Variants in NIPAL1 observed in about 807,000 individuals in gnomAD.
NIPAL1 encodes the protein NIPA like domain containing 1.
Under a neutral mutation model 37.7 loss-of-function variants are expected in NIPAL1, and 35 were observed. That is an observed-to-expected ratio of 0.93 (90% CI 0.71 to 1.23). The LOEUF (loss-of-function observed/expected upper bound fraction) is 1.23, where lower values mean the gene tolerates loss of function less well. Among genes scored for constraint, NIPAL1 ranks in the 50% most tolerant of loss-of-function variants. The pLI, the probability that NIPAL1 is intolerant of heterozygous loss-of-function variation, is 0.00. For missense variants in NIPAL1, 412 were observed against 473.9 expected, an observed-to-expected ratio of 0.87 and a Z score of 1.21; for synonymous variants, 162 against 183.0, an observed-to-expected ratio of 0.89 and a Z score of 0.93.
At chr4:48,022,587 A>C (rs1715596281) in intron 1 of NIPAL1, among the ~76,000 whole-genome samples, 1 of 152,228 alleles carries the variant, frequency 6.6e-6, no homozygotes, top group Admixed American at 6.5e-5. Flanking sequence ...TGGAGTGGTT[A>C]TGTTAACTGC....
At chr4:48,022,363 T>C (rs321622) in intron 1 of NIPAL1, among the ~76,000 whole-genome samples, 49,349 of 152,088 alleles carry the variant, frequency 0.32, 8,309 homozygotes, top group South Asian at 0.48. Context: ...GACAAGATTT[T>C]TATTATTTTT....
In NIPAL1 at chr4:48,035,583, T is replaced by C. The variant is rs753305865; in HGVS notation, c.644T>C (p.Ile215Thr). The change falls in exon 6 of 6, where the codon ATC (isoleucine) becomes ACC (threonine). Residue 215 changes from isoleucine to threonine, a missense_variant. Ile to Thr is a moderately conservative substitution (Grantham distance 89). Transcript: ENST00000295461. ...ACAGGGTTTATTTCCTTTGCTGTGA[T>C]CATAACTGTGATCTCCTTGGTGCTG... ...RDPGFISFAVIITVISLVLIL... is the reference protein window; with the variant it reads ...RDPGFISFAVTITVISLVLIL... 1 of 1,611,576 alleles carries C rather than the reference T, an allele frequency of 6.2e-7. No homozygotes were observed. Among genetic ancestry groups the C allele is most frequent in the Non-Finnish European group, 8.5e-7 (1 of 1,179,522 alleles).
intron 1 of NIPAL1, among the ~76,000 whole-genome samples, chr4:48,023,563 G>A (rs1363591686): frequency 2.0e-5 from 3 of 152,056 alleles, no homozygotes; most frequent in Admixed American, 1.3e-4. Context: ...ATTCATAATG[G>A]GAGAATTTGC....
At chr4:48,029,669 T>C (rs1295491126) in intron 2 of NIPAL1, among the ~76,000 whole-genome samples, 2 of 152,184 alleles carry the variant, frequency 1.3e-5, no homozygotes, top group Non-Finnish European at 2.9e-5. Flanking sequence ...TGACATACCA[T>C]TTTAAGACTC....
intron 5 of NIPAL1, among the ~76,000 whole-genome samples, chr4:48,035,346 G>A (rs573977115): frequency 3.9e-5 from 6 of 152,198 alleles, no homozygotes; most frequent in African/African-American, 9.6e-5. Flanking sequence ...GATAATATTC[G>A]CCCTAGCTCA....
intron 3 of NIPAL1, among the ~76,000 whole-genome samples, chr4:48,031,551 A>C (rs1391825097): frequency 1.3e-5 from 2 of 152,160 alleles, no homozygotes; most frequent in African/African-American, 4.8e-5. Context: ...TACATTTGCA[A>C]TTTTGTTTTC....
chr4:48,022,296 C>T (rs976076927), intron 1 of NIPAL1, among the ~76,000 whole-genome samples: 1 of 152,178 alleles, frequency 6.6e-6, no homozygotes, highest in Non-Finnish European at 1.5e-5. Context: ...GCTGTAGGCT[C>T]TCTCCCTAAC....
In NIPAL1 at chr4:48,034,999, G is replaced by A; in HGVS notation, c.580G>A (p.Val194Ile). Reference sequence around the variant, plus strand: ...TATCCATGCCCCACAAGAAGAGGAAGTCACATCTTTGCATGAAATGGAAAT... The same window carrying A: ...TATCCATGCCCCACAAGAAGAGGAAATCACATCTTTGCATGAAATGGAAAT... The part of the protein sequence containing the change: ...MVIHAPQEEE[V>I]TSLHEMEMKL... The change falls in exon 5 of 6, where the codon GTC becomes ATC. Residue 194 changes from valine to isoleucine, a missense_variant. Val to Ile is a conservative substitution (Grantham distance 29, BLOSUM62 3). Transcript: ENST00000295461. 6.2e-7 allele frequency: 1 copy of A among 1,613,976 alleles called. No individual in the cohort carries two copies. Among genetic ancestry groups the A allele is most frequent in the Non-Finnish European group, 8.5e-7 (1 of 1,179,858 alleles).
chr4:48,018,922 C>G (rs1004375737), intron 1 of NIPAL1, among the ~76,000 whole-genome samples: 3 of 152,230 alleles, frequency 2.0e-5, no homozygotes, highest in Non-Finnish European at 4.4e-5. Context: ...GATATTCAAG[C>G]TGAGACCCAA....
chr4:48,035,143 G>C, intron 5 of NIPAL1, 102 bp downstream of exon 5: 1 of 978,784 alleles, frequency 1.0e-6, no homozygotes, highest in Non-Finnish European at 1.6e-6. Context: ...TACATTGTGG[G>C]CCGCATTGTG....
chr4:48,020,960 T>C (rs2109365308), intron 1 of NIPAL1, among the ~76,000 whole-genome samples: 1 of 152,318 alleles, frequency 6.6e-6, no homozygotes, highest in East Asian at 1.9e-4. Context: ...TTTAAATTTA[T>C]ATTATTATTC....
chr4:48,033,106 G>A (rs1715857770), intron 4 of NIPAL1, 23 bp downstream of exon 4: 1 of 1,414,920 alleles, frequency 7.1e-7, no homozygotes, highest in African/African-American at 1.4e-5. Context: ...CAGGGAACTT[G>A]GCTTCTGTAG....
In NIPAL1 at chr4:48,036,116, T is replaced by G. The variant is rs1204862749; in HGVS notation, c.1177T>G (p.Cys393Gly). 1.2e-6 allele frequency: 2 copies of G among 1,609,806 alleles called. No individual in the cohort carries two copies. The highest frequency in any genetic ancestry group is 1.3e-5 in the African/African-American group (1 of 74,456). ...TTATGTTTTACTAGAGAACTTGGAG[T>G]GTTCAGCCCCAGGATACAATGATGA... ...NNYVLLENLECSAPGYNDDVT... is the reference protein window; with the variant it reads ...NNYVLLENLEGSAPGYNDDVT... Residue 393 changes from cysteine (C) to glycine (G), a missense_variant, in exon 6 of 6, where the codon TGT becomes GGT. Transcript: ENST00000295461.
intron 1 of NIPAL1, among the ~76,000 whole-genome samples, chr4:48,018,878 GATTGGGT>G (rs1437870102): frequency 6.6e-6 from 1 of 152,262 alleles, no homozygotes; most frequent in East Asian, 1.9e-4. Flanking sequence ...GGGATGTTTA[GATTGGGT>G]ATTCAATGAA....
intron 1 of NIPAL1, among the ~76,000 whole-genome samples, chr4:48,018,055 AAAAAAATTTT>A (rs1188773830): frequency 6.6e-6 from 1 of 152,122 alleles, no homozygotes; most frequent in Non-Finnish European, 1.5e-5. Context: ...CAAGCTATTA[AAAAAAATTTT>A]TTAAGGCCGC....
chr4:48,033,243 C>G (rs1460808204), intron 4 of NIPAL1, among the ~76,000 whole-genome samples, 160 bp downstream of exon 4: 1 of 152,198 alleles, frequency 6.6e-6, no homozygotes, highest in Non-Finnish European at 1.5e-5. Flanking sequence ...ATTTCTGAGG[C>G]TCCTGGGAAG....
At position 48,035,743 on chromosome 4, in the gene NIPAL1, G is replaced by A. The variant is rs549915305; in HGVS notation, c.804G>A (p.Lys268=). ...CCATTAAGGAGCTGATAGAATGGAA[G>A]CCAGTTTACAAACATCCGCTGGTCT... ...GIAIKELIEW[K]PVYKHPLVFV... is the part of the protein sequence containing the mutation. The change falls in exon 6 of 6, where the codon AAG becomes AAA. Residue 268 remains lysine, a synonymous_variant. Transcript: ENST00000295461. 1.9e-6 allele frequency: 3 copies of A among 1,614,150 alleles called. No individual in the cohort carries two copies. Among genetic ancestry groups the A allele is most frequent in the African/African-American group, 2.7e-5 (2 of 75,044 alleles).
intron 1 of NIPAL1, among the ~76,000 whole-genome samples, chr4:48,017,742 C>T (rs767715118): frequency 6.6e-6 from 1 of 152,002 alleles, no homozygotes; most frequent in Non-Finnish European, 1.5e-5. Flanking sequence ...ATGGTTTTCG[C>T]CGTACCAAGG....
chr4:48,025,021 T>C, intron 1 of NIPAL1, 47 bp from the exon 2 acceptor site: 1 of 1,563,058 alleles, frequency 6.4e-7, no homozygotes, highest in South Asian at 1.1e-5. Context: ...TAAGCATTAA[T>C]ACCTCTCCCT....
Sources: gnomAD v4.1 joint callset for allele counts (sites outside exome capture counted in the v4.1 genomes callset) on GRCh38, gnomAD v4.1.1 for gene constraint, MANE v1.5 for transcripts, NCBI Gene and HGNC (gene_info 2026-07-23, HGNC 2026-07-21) for gene names.